FER: variants seen among roughly 807,000 people sequenced by gnomAD.
FER encodes the protein FER tyrosine kinase.
Under a neutral mutation model 111.0 loss-of-function variants are expected in FER, and 63 were observed. That is an observed-to-expected ratio of 0.57 (90% CI 0.46 to 0.70). The LOEUF is 0.70. Among genes scored for constraint, FER ranks in the 30% least tolerant of loss-of-function variants. FER has a pLI of 0.00. For missense variants in FER, 914 were observed against 954.0 expected, an observed-to-expected ratio of 0.96 and a Z score of 0.55; for synonymous variants, 327 against 313.9, an observed-to-expected ratio of 1.04 and a Z score of -0.44.
chr5:109,128,206 T>C (rs935014783), intron 17 of FER, among the ~76,000 whole-genome samples: 7 of 152,002 alleles, frequency 4.6e-5, no homozygotes, highest in Non-Finnish European at 7.4e-5. Context: ...GTCAGTAGCA[T>C]CATACCTTTG....
chr5:108,914,632 G>T (rs1002241989), intron 10 of FER, among the ~76,000 whole-genome samples: 1 of 152,172 alleles, frequency 6.6e-6, no homozygotes, highest in Non-Finnish European at 1.5e-5. Flanking sequence ...GGGGCTTGAG[G>T]AATGCAGGAG....
At chr5:108,913,844 A>T (rs933948456) in intron 10 of FER, among the ~76,000 whole-genome samples, 12 of 152,226 alleles carry the variant, frequency 7.9e-5, no homozygotes, top group Admixed American at 3.9e-4. Flanking sequence ...TTACAACTAC[A>T]TGCAGCAGTA....
chr5:108,760,158 GT>G lies in FER; in HGVS notation c.-205-7919del, dbSNP rs36078731. On this transcript the variant is annotated intron_variant, in intron 1 of 19. Coordinates refer to ENST00000281092, the MANE Select transcript of FER (RefSeq NM_005246.4). ...AATAATATTTTGAAAGCAGTCTTCT[GT>G]TTTTTTTTTTTTTTTCTGAGCAGTA... 4.8e-3 allele frequency among the ~76,000 whole-genome samples: 679 copies of G among 141,114 alleles called. 6 individuals are homozygous for G. Among genetic ancestry groups the G allele is most frequent in the African/African-American group, 0.015 (596 of 38,812 alleles). 92.6% of individuals were successfully genotyped at this position (141,114 alleles called of 152,430 possible).
At position 108,927,252 on chromosome 5, in the gene FER, CTTTTTT is replaced by C. The variant is rs766702172; in HGVS notation, c.1237-18864_1237-18859del. Reference sequence around the variant, plus strand: ...TGTAATTCAGCATTGAGAAGTGGCTCTTTTTTTTTTTTTTTTTTTGAGACGGAGTCT... The same window carrying C: ...TGTAATTCAGCATTGAGAAGTGGCTCTTTTTTTTTTTTTGAGACGGAGTCT... On this transcript the variant is annotated intron_variant, in intron 10 of 19. Transcript: ENST00000281092. Among the ~76,000 whole-genome samples, 709 of 95,244 alleles carry C rather than the reference CTTTTTT, an allele frequency of 7.4e-3. 34 individuals carry two copies. The highest frequency in any genetic ancestry group is 0.038 in the African/African-American group (658 of 17,268). The allele number at this position is 95,244 out of a possible 152,430, so 62.5% of individuals were successfully genotyped here.
chr5:108,979,820 A>G (rs1352907608), intron 13 of FER, among the ~76,000 whole-genome samples: 1 of 152,092 alleles, frequency 6.6e-6, no homozygotes. Context: ...TTTTATATGA[A>G]TACAAGTTGA....
At chr5:109,138,684 A>C (rs1403046844) in intron 17 of FER, among the ~76,000 whole-genome samples, 3 of 152,104 alleles carry the variant, frequency 2.0e-5, no homozygotes, top group Admixed American at 6.6e-5. Flanking sequence ...TCAGTCAGCT[A>C]TCCTTGTGTT....
intron 13 of FER, among the ~76,000 whole-genome samples, chr5:108,970,094 C>T (rs1760429596): frequency 6.7e-6 from 1 of 148,390 alleles, no homozygotes; most frequent in Admixed American, 6.6e-5. Context: ...AGACTCAGGA[C>T]ACACAAACTT....
chr5:108,895,243 A>G (rs988294183), intron 9 of FER, among the ~76,000 whole-genome samples: 2 of 152,270 alleles, frequency 1.3e-5, no homozygotes, highest in Middle Eastern at 3.4e-3. Context: ...ACTTTTTATA[A>G]TGGTTTAATC....
intron 1 of FER, among the ~76,000 whole-genome samples, chr5:108,760,866 C>G (rs1315097557): frequency 6.6e-6 from 1 of 152,034 alleles, no homozygotes; most frequent in Non-Finnish European, 1.5e-5. Context: ...TCTTCAATAA[C>G]TTTTCCTTTG....
rs781565796 is a variant in FER, at chr5:109,186,370, T to A, written c.2326+48T>A. On this transcript the variant is annotated intron_variant, in intron 19 of 19. Coordinates refer to ENST00000281092, the MANE Select transcript of FER (RefSeq NM_005246.4). ...TAGTGTTCATGTCCAGCCCCAGGGG[T>A]AGGCAGTGCTTATAGTGTGTCTGCT... 38 of 1,613,542 alleles carry A rather than the reference T, an allele frequency of 2.4e-5. No individual in the cohort carries two copies. The Admixed American group carries it at 6.2e-4, about 26-fold the overall frequency.
chr5:109,148,435 A>G (rs1754472272), intron 17 of FER, among the ~76,000 whole-genome samples: 1 of 152,198 alleles, frequency 6.6e-6, no homozygotes, highest in African/African-American at 2.4e-5. Flanking sequence ...GATTGAAAAG[A>G]CAGTAAAGGA....
At chr5:109,102,543 T>G (rs980145018) in intron 17 of FER, among the ~76,000 whole-genome samples, 1 of 152,234 alleles carries the variant, frequency 6.6e-6, no homozygotes, top group African/African-American at 2.4e-5. Context: ...ATCCTTGGCA[T>G]AGAATATCTT....
chr5:108,992,267 G>A (rs1478580153), intron 13 of FER, among the ~76,000 whole-genome samples: 3 of 152,324 alleles, frequency 2.0e-5, no homozygotes, highest in African/African-American at 7.2e-5. Flanking sequence ...AGTCTCCCAT[G>A]TCTACTTCTT....
chr5:108,902,405 A>G (rs1459999854), intron 10 of FER, among the ~76,000 whole-genome samples: 1 of 152,094 alleles, frequency 6.6e-6, no homozygotes, highest in African/African-American at 2.4e-5. Flanking sequence ...TGTATTTCCC[A>G]TTAGTTTGTG....
At chr5:109,030,194 C>T (rs1218429034) in intron 13 of FER, among the ~76,000 whole-genome samples, 1 of 152,014 alleles carries the variant, frequency 6.6e-6, no homozygotes, top group East Asian at 1.9e-4. Context: ...GTTTCTATGG[C>T]TGAGATAATC....
chr5:109,011,803 A>G (rs1355631674), intron 13 of FER, among the ~76,000 whole-genome samples: 2 of 152,186 alleles, frequency 1.3e-5, no homozygotes, highest in Non-Finnish European at 2.9e-5. Context: ...CTTTGGGACA[A>G]AAGACCTCCA....
intron 2 of FER, among the ~76,000 whole-genome samples, chr5:108,768,674 T>C (rs1752578115): frequency 6.6e-6 from 1 of 152,220 alleles, no homozygotes; most frequent in Non-Finnish European, 1.5e-5. Flanking sequence ...TCATTTGAGG[T>C]ACATTGATAT....
At chr5:109,157,595 T>C (rs186577568) in intron 17 of FER, among the ~76,000 whole-genome samples, 1 of 152,206 alleles carries the variant, frequency 6.6e-6, no homozygotes, top group African/African-American at 2.4e-5. Flanking sequence ...TTAACTTCAA[T>C]AGATTTCCTA....
Position 108,760,758 on chromosome 5 carries a change from T to C in FER, c.-205-7335T>C, listed in dbSNP as rs202239222. Among the ~76,000 whole-genome samples, 18 of 152,332 alleles carry C rather than the reference T, an allele frequency of 1.2e-4. No homozygotes were observed. The East Asian group carries it at 3.5e-3, about 29-fold the overall frequency. Reference sequence around the variant, plus strand: ...GGCTTGAGGAAATTTTGTGGCTGGTTTGATCTATCTAGACTACTGAAACTT... The same window carrying C: ...GGCTTGAGGAAATTTTGTGGCTGGTCTGATCTATCTAGACTACTGAAACTT... On this transcript the variant is annotated intron_variant, in intron 1 of 19. Coordinates refer to ENST00000281092, the MANE Select transcript of FER (RefSeq NM_005246.4).
Sources: gnomAD v4.1 joint callset for allele counts (sites outside exome capture counted in the v4.1 genomes callset) on GRCh38, gnomAD v4.1.1 for gene constraint, MANE v1.5 for transcripts, NCBI Gene and HGNC (gene_info 2026-07-23, HGNC 2026-07-21) for gene names.